The following RAD21 variants were observed in gnomAD, a reference collection of about 807,000 sequenced individuals.
The protein encoded by RAD21 is double-strand-break repair protein rad21 homolog.
RAD21 carries 18 observed loss-of-function variants against 71.5 expected under a neutral mutation model. The observed-to-expected ratio is 0.25, with a 90% CI of 0.17 to 0.37. The LOEUF is 0.37. RAD21 is among the 10% of genes least tolerant of loss of function. The pLI, the probability that RAD21 is intolerant of heterozygous loss-of-function variation, is 1.00. For synonymous variants in RAD21, 248 were observed against 254.0 expected (o/e 0.98, Z 0.22); for missense variants, 493 against 769.1 (o/e 0.64, Z 4.25).
intron 5 of RAD21, 38 bp from the exon 6 acceptor site, chr8:116,857,511 T>G (rs765429930): frequency 6.5e-7 from 1 of 1,531,684 alleles, no homozygotes; most frequent in Middle Eastern, 1.9e-4. Context: ...TTAGAAAGAT[T>G]AGAAATAGCA....
At chr8:116,874,575 G>A (rs1812930671) in intron 1 of RAD21, 36 bp downstream of exon 1, 1 of 326,978 alleles carries the variant, frequency 3.1e-6, no homozygotes, top group Non-Finnish European at 6.0e-6. Flanking sequence ...GGGGGAGGGA[G>A]CTGGAGGAAA....
At chr8:116,852,829 CT>C in intron 9 of RAD21, 121 bp from the exon 10 acceptor site, 1 of 658,596 alleles carries the variant, frequency 1.5e-6, no homozygotes, top group Non-Finnish European at 2.2e-6. Context: ...TTTAGCATGG[CT>C]TTTATCATAT....
intron 3 of RAD21, among the ~76,000 whole-genome samples, chr8:116,862,814 A>C (rs1037736889): frequency 3.3e-5 from 5 of 152,152 alleles, no homozygotes; most frequent in African/African-American, 1.2e-4. Context: ...ATCACATAAC[A>C]ATTAGTTTCC....
intron 4 of RAD21, among the ~76,000 whole-genome samples, chr8:116,859,297 C>T (rs1330086228): frequency 6.6e-6 from 1 of 152,142 alleles, no homozygotes; most frequent in Non-Finnish European, 1.5e-5. Context: ...CACAAGCTTA[C>T]TTCATGCCTC....
At chr8:116,852,525 A>T (rs1186861709) in intron 10 of RAD21, 24 bp downstream of exon 10, 1 of 1,569,068 alleles carries the variant, frequency 6.4e-7, no homozygotes, top group Non-Finnish European at 8.6e-7. Context: ...AACTTCATCA[A>T]GGAACTATTC....
intron 9 of RAD21, 126 bp downstream of exon 9, chr8:116,854,119 G>A (rs1812414649): frequency 1.4e-6 from 1 of 695,226 alleles, no homozygotes; most frequent in African/African-American, 1.9e-5. Flanking sequence ...TGATTTAAGG[G>A]AGAAAAAAGA....
In RAD21 at chr8:116,853,118, G is replaced by A. The variant is rs140198850; in HGVS notation, c.1162-410C>T. Among the ~76,000 whole-genome samples the A allele has an allele frequency of 6.6e-5, 10 of 151,948 alleles. No individual in the cohort carries two copies. In the South Asian group the frequency reaches 1.9e-3, roughly 29 times the overall value. ...TTTTGAGATGGAGTCTCACTCTGTC[G>A]CCCAGGCTGGAGTGCAGTGGCACAA... On this transcript the variant is annotated intron_variant, in intron 9 of 13. Transcript: ENST00000297338.
At chr8:116,869,238 A>T (rs1586277795) in intron 1 of RAD21, among the ~76,000 whole-genome samples, 1 of 152,328 alleles carries the variant, frequency 6.6e-6, no homozygotes, top group East Asian at 1.9e-4. Context: ...TAGAATATGT[A>T]AAGAATTCTT....
chr8:116,854,555 CT>C, intron 8 of RAD21, 87 bp from the exon 9 acceptor site: 1 of 992,478 alleles, frequency 1.0e-6, no homozygotes, highest in East Asian at 2.4e-5. Flanking sequence ...CTATATTCCC[CT>C]GCTTTTCTAC....
chr8:116,863,191 G>C lies in RAD21; in HGVS notation c.213C>G (p.Ala71=). The part of the protein sequence containing the change: ...LGVVRIYHRK[A]KYLLADCNEA... ...CATTACAGTCTGCAAGAAGGTATTTGGCTTTCCTGTGATAGATTCGAACTA... is the reference window on the plus strand; with the variant it reads ...CATTACAGTCTGCAAGAAGGTATTTCGCTTTCCTGTGATAGATTCGAACTA... Residue 71 remains alanine, a synonymous_variant, in exon 3 of 14, where the codon GCC becomes GCG. Transcript: ENST00000297338. 6.2e-7 allele frequency: 1 copy of C among 1,612,244 alleles called. No homozygotes were observed. The highest frequency in any genetic ancestry group is 8.5e-7 in the Non-Finnish European group (1 of 1,178,698).
intron 1 of RAD21, among the ~76,000 whole-genome samples, chr8:116,870,967 G>A (rs73310218): frequency 0.012 from 1,810 of 152,258 alleles, 43 homozygotes; most frequent in African/African-American, 0.041. Context: ...CTATGCAGAG[G>A]CAGAGATTCC....
intron 1 of RAD21, among the ~76,000 whole-genome samples, chr8:116,873,844 C>G (rs978758147): frequency 6.6e-6 from 1 of 152,172 alleles, no homozygotes; most frequent in Admixed American, 6.5e-5. Context: ...CACACCTCCC[C>G]CAGAGCGTCT....
intron 3 of RAD21, among the ~76,000 whole-genome samples, chr8:116,862,474 C>A (rs1812610299): frequency 1.3e-5 from 2 of 151,902 alleles, no homozygotes; most frequent in South Asian, 2.1e-4. Context: ...TAAATAAAAT[C>A]TTAGATCTCA....
intron 1 of RAD21, among the ~76,000 whole-genome samples, chr8:116,870,944 TA>T (rs1812810061): frequency 1.3e-5 from 2 of 152,240 alleles, no homozygotes; most frequent in South Asian, 4.1e-4. Flanking sequence ...GCACCGTGCC[TA>T]AAATATCCCA....
intron 3 of RAD21, 44 bp downstream of exon 3, chr8:116,863,086 C>G: frequency 6.4e-7 from 1 of 1,556,484 alleles, no homozygotes; most frequent in Non-Finnish European, 8.7e-7. Flanking sequence ...TGAGAAACTC[C>G]AAAGTAAACA....
rs560276014 is a variant in RAD21, at chr8:116,852,075, G to A, written c.1343C>T (p.Pro448Leu). The A allele has an allele frequency of 1.2e-6, 2 of 1,608,690 alleles. No individual in the cohort carries two copies. The highest frequency in any genetic ancestry group is 1.7e-5 in the Admixed American group (1 of 59,906). ...DVIDEPIIEE[P>L]SRLQESVMEA... ...CATCACTGACTCCTGGAGGCGGCTT[G>A]GCTCTTCAATAATGGGCTCATCTGC... The change falls in exon 11 of 14, where the codon CCA becomes CTA. Residue 448 changes from proline to leucine, a missense_variant. This residue lies in a region of RAD21 where 225 missense variants were observed against 218.3 expected (regional missense o/e 1.03). Transcript: ENST00000297338.
intron 5 of RAD21, among the ~76,000 whole-genome samples, chr8:116,857,899 A>T (rs996986944): frequency 6.6e-6 from 1 of 152,184 alleles, no homozygotes; most frequent in African/African-American, 2.4e-5. Flanking sequence ...CTTGAATCCA[A>T]GAGTTCGAGG....
intron 8 of RAD21, 85 bp from the exon 9 acceptor site, chr8:116,854,553 C>A: frequency 1.0e-6 from 1 of 998,884 alleles, no homozygotes. Flanking sequence ...GACTATATTC[C>A]CCTGCTTTTC....
In RAD21 at chr8:116,854,477, A is replaced by G; in HGVS notation, c.938-9T>C. ...GGCTTTTGTTTCTTTAACTGGAATGATAATAAAAAATAAGATCATTTTCCT... is the reference window on the plus strand; with the variant it reads ...GGCTTTTGTTTCTTTAACTGGAATGGTAATAAAAAATAAGATCATTTTCCT... On this transcript the variant is annotated splice_polypyrimidine_tract_variant and intron_variant, in intron 8 of 13. Transcript: ENST00000297338. 1 of 1,597,160 alleles carries G rather than the reference A, an allele frequency of 6.3e-7. No homozygotes were observed. Among genetic ancestry groups the G allele is most frequent in the African/African-American group, 1.3e-5 (1 of 74,494 alleles).
Sources: gnomAD v4.1 joint callset for allele counts (sites outside exome capture counted in the v4.1 genomes callset) on GRCh38, gnomAD v4.1.1 for gene constraint, gnomAD v4.1.1 regional missense constraint, MANE v1.5 for transcripts, NCBI Gene and HGNC (gene_info 2026-07-23, HGNC 2026-07-21) for gene names.